Variants in UBE2F observed in about 807,000 individuals in gnomAD.
UBE2F encodes ubiquitin conjugating enzyme E2 F (putative).
In UBE2F, 5 loss-of-function variants were observed where a neutral mutation model predicts 29.6. The ratio of observed to expected loss-of-function variants is 0.17; its 90% CI spans 0.09 to 0.36. The LOEUF is 0.36. Ranked by LOEUF, UBE2F falls within the 10% of genes least tolerant of loss-of-function variation. The pLI, the probability that UBE2F is intolerant of heterozygous loss-of-function variation, is 1.00. For missense variants in UBE2F, 141 were observed against 228.5 expected, an observed-to-expected ratio of 0.62 and a Z score of 2.47; for synonymous variants, 66 against 81.8, an observed-to-expected ratio of 0.81 and a Z score of 1.04.
rs1310166590 is a variant in UBE2F at position 238,032,269 on chromosome 2, C to G, written c.444+15C>G. ...CTTTGTTTACTGTAAGTACAGTGAT[C>G]AAAATCCCAAGTTATTCTCAATTTC... is the stretch of plus-strand genomic sequence containing the variant. On this transcript the variant is annotated intron_variant, in intron 8 of 9. Coordinates refer to ENST00000272930, the MANE Select transcript of UBE2F (RefSeq NM_080678.3). 1.2e-6 allele frequency: 2 copies of G among 1,602,008 alleles called. No homozygotes were observed. The highest frequency in any genetic ancestry group is 1.1e-5 in the South Asian group (1 of 90,562).
At chr2:237,995,143 T>C (rs946543578) in intron 4 of UBE2F, among the ~76,000 whole-genome samples, 1 of 152,242 alleles carries the variant, frequency 6.6e-6, no homozygotes, top group Non-Finnish European at 1.5e-5. Context: ...AGTGTGACCT[T>C]GGTTAAGTTG....
chr2:237,974,681 T>G (rs1003872244), intron 2 of UBE2F, among the ~76,000 whole-genome samples: 1 of 151,318 alleles, frequency 6.6e-6, no homozygotes, highest in Non-Finnish European at 1.5e-5. Context: ...GCCCAGCTAA[T>G]TTTTTGTATT....
At chr2:238,031,095 A>G (rs1455593841) in intron 7 of UBE2F, among the ~76,000 whole-genome samples, 6 of 152,248 alleles carry the variant, frequency 3.9e-5, no homozygotes, top group Non-Finnish European at 8.8e-5. Flanking sequence ...CTGGCCCTGC[A>G]TAAGGGAACA....
chr2:238,010,525 A>G (rs768563270), intron 4 of UBE2F, among the ~76,000 whole-genome samples: 18 of 152,156 alleles, frequency 1.2e-4, no homozygotes, highest in Non-Finnish European at 2.4e-4. Flanking sequence ...GGTGTTAAAC[A>G]TTTGCTTTTG....
chr2:238,041,250 C>G (rs1347251871), intron 9 of UBE2F, 38 bp from the exon 10 acceptor site: 1 of 1,604,400 alleles, frequency 6.2e-7, no homozygotes, highest in Admixed American at 1.7e-5. Context: ...CTCACTCCTC[C>G]TGTTCTTCTT....
At chr2:238,032,292 T>A in intron 8 of UBE2F, 38 bp downstream of exon 8, 1 of 1,562,870 alleles carries the variant, frequency 6.4e-7, no homozygotes, top group Non-Finnish European at 8.8e-7. Context: ...TATTCTCAAT[T>A]TCCTTGTTGC....
At chr2:238,011,814 A>G (rs2326007) in intron 4 of UBE2F, among the ~76,000 whole-genome samples, 130,728 of 152,232 alleles carry the variant, frequency 0.86, 56,282 homozygotes, top group East Asian at 0.97. Flanking sequence ...GGGCATGGAA[A>G]GTGTCTTGTT....
intron 2 of UBE2F, among the ~76,000 whole-genome samples, 162 bp from the exon 3 acceptor site, chr2:237,987,800 CA>C (rs1418898135): frequency 6.6e-6 from 1 of 150,940 alleles, no homozygotes; most frequent in East Asian, 1.9e-4. Context: ...ATATCGAAAG[CA>C]GCTAAATGGC....
At chr2:237,974,224 C>T (rs370458329) in intron 2 of UBE2F, among the ~76,000 whole-genome samples, 3 of 150,802 alleles carry the variant, frequency 2.0e-5, no homozygotes. Context: ...GTGGTGTGAT[C>T]TTGGCTCATC....
chr2:238,024,512 T>C (rs2064368859), intron 5 of UBE2F, among the ~76,000 whole-genome samples: 1 of 151,316 alleles, frequency 6.6e-6, no homozygotes, highest in Non-Finnish European at 1.5e-5. Flanking sequence ...TGCCCAGCTC[T>C]TTTTTTTTCC....
chr2:237,981,806 T>C (rs1295829461), intron 2 of UBE2F, among the ~76,000 whole-genome samples: 1 of 151,920 alleles, frequency 6.6e-6, no homozygotes, highest in East Asian at 1.9e-4. Context: ...TTTGTATCTT[T>C]TGTAGAGACA....
At chr2:237,995,909 T>G (rs922375934) in intron 4 of UBE2F, among the ~76,000 whole-genome samples, 1 of 152,214 alleles carries the variant, frequency 6.6e-6, no homozygotes, top group African/African-American at 2.4e-5. Flanking sequence ...ACATCATCAT[T>G]ATGTATATAT....
At chr2:238,026,226 C>T (rs2106398238) in intron 6 of UBE2F, among the ~76,000 whole-genome samples, 1 of 152,320 alleles carries the variant, frequency 6.6e-6, no homozygotes, top group East Asian at 1.9e-4. Flanking sequence ...GTATGTGCCT[C>T]ACACTCAGCC....
intron 9 of UBE2F, among the ~76,000 whole-genome samples, chr2:238,038,086 A>G (rs894525784): frequency 2.6e-5 from 4 of 152,196 alleles, no homozygotes; most frequent in African/African-American, 7.2e-5. Context: ...CATGGCCCCA[A>G]AGAGTGGGCA....
chr2:238,018,560 G>GTTAT (rs1553558694), intron 5 of UBE2F, among the ~76,000 whole-genome samples: 39 of 152,090 alleles, frequency 2.6e-4, no homozygotes, highest in East Asian at 2.1e-3. Context: ...GGTTCAGTGG[G>GTTAT]TTATTTATTT....
chr2:238,010,254 AC>A (rs2063993796), intron 4 of UBE2F, among the ~76,000 whole-genome samples: 1 of 151,500 alleles, frequency 6.6e-6, no homozygotes, highest in Admixed American at 6.6e-5. Flanking sequence ...GCTCACTGCA[AC>A]CTCTGCCTCC....
At chr2:238,001,426 A>G (rs2063791330) in intron 4 of UBE2F, among the ~76,000 whole-genome samples, 1 of 152,076 alleles carries the variant, frequency 6.6e-6, no homozygotes, top group East Asian at 1.9e-4. Context: ...GTTTTTATTG[A>G]TATTACATAT....
chr2:238,029,301 AGTTACGGCTGGGCGTGGT>A (rs1330460939), intron 6 of UBE2F, among the ~76,000 whole-genome samples: 2 of 151,800 alleles, frequency 1.3e-5, no homozygotes, highest in Admixed American at 1.3e-4. Context: ...AAAAAAACCC[AGTTACGGCTGGGCGTGGT>A]GGCTCACGCC....
At chr2:238,021,740 C>T (rs2064298512) in intron 5 of UBE2F, among the ~76,000 whole-genome samples, 1 of 152,170 alleles carries the variant, frequency 6.6e-6, no homozygotes, top group African/African-American at 2.4e-5. Flanking sequence ...GTCTCTGTCC[C>T]ATATTCTTTT....
Sources: gnomAD v4.1 joint callset for allele counts (sites outside exome capture counted in the v4.1 genomes callset) on GRCh38, gnomAD v4.1.1 for gene constraint, MANE v1.5 for transcripts, NCBI Gene and HGNC (gene_info 2026-07-23, HGNC 2026-07-21) for gene names.